Variants in PCDHA1 observed in about 807,000 individuals in gnomAD.
PCDHA1 encodes protocadherin alpha-1.
In PCDHA1, 42 loss-of-function variants were observed where a neutral mutation model predicts 61.3. The observed-to-expected ratio is 0.69, with a 90% CI of 0.54 to 0.89. PCDHA1 has a LOEUF of 0.89. Ranked by LOEUF, PCDHA1 falls within the 40% of genes least tolerant of loss-of-function variation. The probability of loss-of-function intolerance (pLI) is 0.00; values close to 1 mark genes in which losing one functional copy is unlikely to be tolerated. For missense variants in PCDHA1, 1,256 were observed against 1,235.3 expected, an observed-to-expected ratio of 1.02 and a Z score of -0.25; for synonymous variants, 610 against 553.8, an observed-to-expected ratio of 1.10 and a Z score of -1.43.
chr5:140,966,658 G>A (rs887585622), intron 1 of PCDHA1: 5 of 1,212,426 alleles, frequency 4.1e-6, no homozygotes, highest in Admixed American at 3.9e-5. Flanking sequence ...GAGCGGTGGG[G>A]GAGCAGGCGC....
At chr5:140,796,862 C>A (rs1554120167) in intron 1 of PCDHA1, 1 of 1,613,960 alleles carries the variant, frequency 6.2e-7, no homozygotes, top group Non-Finnish European at 8.5e-7. Flanking sequence ...GAGATCAGCA[C>A]GACACGTGCC....
At chr5:140,928,034 G>A in intron 1 of PCDHA1, 1 of 1,614,206 alleles carries the variant, frequency 6.2e-7, no homozygotes, top group South Asian at 1.1e-5. Flanking sequence ...GGCATGTCTA[G>A]TGCAGGCCCT....
intron 1 of PCDHA1, chr5:140,882,427 G>C (rs201675412): frequency 1.6e-4 from 264 of 1,613,972 alleles, no homozygotes; most frequent in Middle Eastern, 1.7e-4. Context: ...AGGACCTGGG[G>C]CTGGAGCTGG....
chr5:140,787,139 T>G lies in PCDHA1; in HGVS notation c.849T>G (p.Ser283Arg), dbSNP rs782064237. The G allele has an allele frequency of 1.2e-6, 2 of 1,613,882 alleles. No individual in the cohort carries two copies. Among genetic ancestry groups the G allele is most frequent in the Non-Finnish European group, 1.7e-6 (2 of 1,179,966 alleles). The change falls in exon 1 of 4, where the codon AGT becomes AGG. Residue 283 changes from serine to arginine, a missense_variant. By Grantham distance (110) the Ser-to-Arg change is moderately radical (BLOSUM62 -1). Coordinates refer to ENST00000504120, the MANE Select transcript of PCDHA1 (RefSeq NM_018900.4). The stretch of plus-strand genomic sequence containing the variant: ...GTGAAGTCGTCTTTTCCTTTGACAG[T>G]GGTATTTCTCGTGACATTCAAGAAA... Reference protein sequence around the residue: ...VNGEVVFSFDSGISRDIQEKF... With the variant: ...VNGEVVFSFDRGISRDIQEKF...
In PCDHA1 at chr5:140,883,730, G is replaced by A. The variant is rs140457638; in HGVS notation, c.2394+95046G>A. On this transcript the variant is annotated intron_variant, in intron 1 of 3. Transcript: ENST00000504120. ...TCAGGACGCGGACGCACAGGAGAAC[G>A]CGCTGGTCTCCTACTCGCTGGTGGA... The A allele has an allele frequency of 3.7e-6, 6 of 1,613,412 alleles. No individual in the cohort carries two copies. In the African/African-American group the frequency reaches 6.7e-5, roughly 18 times the overall value.
At chr5:140,927,558 T>C (rs1554204736) in intron 1 of PCDHA1, 1 of 1,614,144 alleles carries the variant, frequency 6.2e-7, no homozygotes, top group East Asian at 2.2e-5. Context: ...TCACCATCAT[T>C]GTGGTGGACA....
chr5:140,983,504 G>A (rs2097054493), intron 3 of PCDHA1, among the ~76,000 whole-genome samples: 1 of 152,160 alleles, frequency 6.6e-6, no homozygotes, highest in Non-Finnish European at 1.5e-5. Flanking sequence ...GCCATAATAT[G>A]CCTAGACACT....
chr5:140,807,053 T>A, intron 1 of PCDHA1: 1 of 1,057,398 alleles, frequency 9.5e-7, no homozygotes, highest in Non-Finnish European at 1.4e-6. Context: ...CCTTCTATTC[T>A]TACTGGAAGG....
At chr5:140,883,551 G>C (rs375469569) in intron 1 of PCDHA1, 16 of 1,614,234 alleles carry the variant, frequency 9.9e-6, no homozygotes, top group Middle Eastern at 1.7e-4. Flanking sequence ...GTGACCGCGC[G>C]GGACGGGGGC....
rs549678873 is a variant in PCDHA1, at chr5:140,877,710, G to GA, written c.2394+89027dup. ...CGCTGGTGTGCTCCAGCGCCGTGGG[G>GA]AGTTGGTCTTACTCGCAGCAGAGGA... is the stretch of plus-strand genomic sequence containing the variant. On this transcript the variant is annotated intron_variant, in intron 1 of 3. Transcript: ENST00000504120. 3.7e-5 allele frequency: 60 copies of GA among 1,614,098 alleles called. 1 individual carries two copies. The Admixed American group carries it at 8.2e-4, about 22-fold the overall frequency.
rs1554144146 is a variant in PCDHA1, at chr5:140,850,293, G to A, written c.2394+61609G>A. 7.5e-6 allele frequency: 12 copies of A among 1,596,282 alleles called. 1 individual carries two copies. Among genetic ancestry groups the A allele is most frequent in the Non-Finnish European group, 1.0e-5 (12 of 1,167,618 alleles). ...GGGGAAGGTGCGCGCAGTGGACGCC[G>A]ACTCGGGCTACAACGCGTGGCTTTC... On this transcript the variant is annotated intron_variant, in intron 1 of 3. Transcript: ENST00000504120.
chr5:140,834,749 G>T (rs782597539), intron 1 of PCDHA1: 2 of 1,613,980 alleles, frequency 1.2e-6, no homozygotes, highest in African/African-American at 1.3e-5. Context: ...TGGACGTGGA[G>T]GTGAAGGACA....
intron 1 of PCDHA1, among the ~76,000 whole-genome samples, chr5:140,971,002 C>A (rs2096450018): frequency 6.6e-6 from 1 of 152,136 alleles, no homozygotes; most frequent in Non-Finnish European, 1.5e-5. Context: ...CAAAGAGTTT[C>A]CAGAAGTCTT....
intron 1 of PCDHA1, chr5:140,856,650 G>A (rs2044132398): frequency 1.3e-6 from 2 of 1,598,026 alleles, no homozygotes; most frequent in African/African-American, 2.7e-5. Flanking sequence ...CTGCTGGATC[G>A]TGAAGAAAAT....
At chr5:141,004,213 GGTCA>G (rs3842022) in intron 3 of PCDHA1, among the ~76,000 whole-genome samples, 2 of 152,208 alleles carry the variant, frequency 1.3e-5, no homozygotes, top group East Asian at 3.8e-4. Context: ...CAGATTAGGA[GGTCA>G]GTCAGTGTTT....
At chr5:140,829,947 G>A (rs2150178345) in intron 1 of PCDHA1, 3 of 1,613,878 alleles carry the variant, frequency 1.9e-6, no homozygotes, top group Non-Finnish European at 2.5e-6. Context: ...AGCAGCGCTC[G>A]CTTCCCGTTT....
At chr5:140,967,029 G>T in intron 1 of PCDHA1, 1 of 1,609,056 alleles carries the variant, frequency 6.2e-7, no homozygotes, top group Non-Finnish European at 8.5e-7. Context: ...CCCAGTCCGC[G>T]CTACCTGGAG....
chr5:140,841,126 C>T, intron 1 of PCDHA1: 1 of 659,096 alleles, frequency 1.5e-6, no homozygotes, highest in South Asian at 2.2e-5. Flanking sequence ...TAATCATTAC[C>T]TTTTGAAGCC....
At chr5:141,005,313 T>C (rs1157761147) in intron 3 of PCDHA1, among the ~76,000 whole-genome samples, 1 of 151,958 alleles carries the variant, frequency 6.6e-6, no homozygotes, top group Non-Finnish European at 1.5e-5. Flanking sequence ...AATCTTACAG[T>C]GGTAGAGAAT....
Sources: gnomAD v4.1 joint callset for allele counts (sites outside exome capture counted in the v4.1 genomes callset) on GRCh38, gnomAD v4.1.1 for gene constraint, MANE v1.5 for transcripts, NCBI Gene and HGNC (gene_info 2026-07-23, HGNC 2026-07-21) for gene names.